Variants in GGT1 observed in about 807,000 individuals in gnomAD.
GGT1 encodes glutathione hydrolase 1 proenzyme.
GGT1 carries 21 observed loss-of-function variants against 56.0 expected under a neutral mutation model. The ratio of observed to expected loss-of-function variants is 0.38; its 90% CI spans 0.27 to 0.54. GGT1 has a LOEUF of 0.54. GGT1 is among the 20% of genes least tolerant of loss of function. The probability of loss-of-function intolerance (pLI) is 0.82; values close to 1 mark genes in which losing one functional copy is unlikely to be tolerated. For synonymous variants in GGT1, 238 were observed against 342.6 expected (o/e 0.69, Z 3.37); for missense variants, 466 against 787.0 (o/e 0.59, Z 4.88).
Position 24,628,606 on chromosome 22 carries a change from A to G in GGT1, c.1564-87A>G. The G allele has an allele frequency of 6.2e-7, 1 of 1,608,924 alleles. No homozygotes were observed. Among genetic ancestry groups the G allele is most frequent in the Non-Finnish European group, 8.5e-7 (1 of 1,178,350 alleles). On this transcript the variant is annotated intron_variant, in intron 15 of 15. Transcript: ENST00000400382. The surrounding 1 kb of genome is among the most constrained non-coding windows in gnomAD (Gnocchi z 5.7). ...TGATGACCTGGCCCGAAATGGCACC[A>G]CCTGGGCTGAGGCCTGTGACCACAC...
rs193004354 is a variant in GGT1 at position 24,625,228 on chromosome 22, C to T, written c.1020+1312C>T. Among the ~76,000 whole-genome samples, 10 of 152,298 alleles carry T rather than the reference C, an allele frequency of 6.6e-5. No homozygotes were observed. The East Asian group carries it at 1.9e-3, about 29-fold the overall frequency. On this transcript the variant is annotated intron_variant, in intron 11 of 15. Transcript: ENST00000400382. ...CAGCAGGATGTCGGGGTGACACAACCTGTTGTCCCTTCTCTTTACCTACAG... is the reference window on the plus strand; with the variant it reads ...CAGCAGGATGTCGGGGTGACACAACTTGTTGTCCCTTCTCTTTACCTACAG...
chr22:24,612,468 C>CA (rs2147347376), intron 5 of GGT1, among the ~76,000 whole-genome samples: 1 of 134,176 alleles, frequency 7.5e-6, no homozygotes, highest in East Asian at 2.3e-4. Flanking sequence ...CCCCTCCCCC[C>CA]AAGGAACACT....
rs1244590879 is a variant in GGT1 at position 24,623,842 on chromosome 22, A to G, written c.946A>G (p.Ile316Val). 5 of 1,611,916 alleles carry G rather than the reference A, an allele frequency of 3.1e-6. No homozygotes were observed. Among genetic ancestry groups the G allele is most frequent in the East Asian group, 2.2e-5 (1 of 44,854 alleles). ...GCAGAAGGGCCTGACGTACCACCGC[A>G]TCGTAGAGGCTTTCCGGTTTGCCTA... The part of the protein sequence containing the change: ...PEQKGLTYHR[I>V]VEAFRFAYAK... The change falls in exon 11 of 16, where the codon ATC becomes GTC. Residue 316 changes from isoleucine to valine, a missense_variant. This residue lies in a region of GGT1 where 456 missense variants were observed against 716.7 expected (regional missense o/e 0.64). Coordinates refer to ENST00000400382, the MANE Select transcript of GGT1 (RefSeq NM_001288833.2).
the GGT1 span, chr22:24,589,064 C>T: frequency 2.8e-5 from 29 of 1,034,954 alleles, no homozygotes; most frequent in Middle Eastern, 4.0e-4. Flanking sequence ...GTGGGCTAGG[C>T]GCAGAGTCCT....
intron 1 of GGT1, among the ~76,000 whole-genome samples, chr22:24,604,470 A>G (rs547256032): frequency 1.1e-4 from 17 of 152,214 alleles, no homozygotes; most frequent in African/African-American, 4.1e-4. Context: ...TGCTCAGCCT[A>G]AATGAGGCTC....
chr22:24,618,205 G>A lies in GGT1; in HGVS notation c.383-2123G>A, dbSNP rs369394100. Among the ~76,000 whole-genome samples, 879 of 152,288 alleles carry A rather than the reference G, an allele frequency of 5.8e-3. 8 individuals carry two copies. The highest frequency in any genetic ancestry group is 0.02 in the Middle Eastern group (6 of 294). On this transcript the variant is annotated intron_variant, in intron 7 of 15. Transcript: ENST00000400382. ...CCTTGAATATTTTTCATTTCTGGGT[G>A]TTAGCACCATAGTCCTCTCTTCGTT...
chr22:24,606,834 ATGGGC>A, intron 1 of GGT1, among the ~76,000 whole-genome samples: 1 of 151,712 alleles, frequency 6.6e-6, no homozygotes, highest in Admixed American at 6.6e-5. Context: ...GGTAGGTGTT[ATGGGC>A]ACGGAATAGA....
Position 24,610,363 on chromosome 22 carries a change from C to T in GGT1, c.-176C>T, listed in dbSNP as rs888589498. The T allele has an allele frequency of 1.9e-5, 4 of 210,748 alleles. No individual in the cohort carries two copies. Among genetic ancestry groups the T allele is most frequent in the East Asian group, 1.4e-4 (1 of 6,968 alleles). The allele number at this position is 210,748 out of a possible 1,614,324, so 13.1% of individuals were successfully genotyped here. On this transcript the variant is annotated 5_prime_UTR_variant, in exon 4 of 16. In the 5' UTR this introduces an upstream ATG that the reference lacks. Transcript: ENST00000400382. ...TAACCTCCCTTGACCTTCAGGAGAA[C>T]GAGAAGGCTGCCTGATCAGAGAGTC...
At position 24,614,912 on chromosome 22, in the gene GGT1, T is replaced by C. The variant is rs2046959698; in HGVS notation, c.295+6T>C. On this transcript the variant is annotated splice_donor_region_variant and intron_variant, in intron 6 of 15. Coordinates refer to ENST00000400382, the MANE Select transcript of GGT1 (RefSeq NM_001288833.2). ...CATCTACAACAGCACCACACGTGAG[T>C]GCCTCGGGAGAGGAGAGGGAGAGGG... is the stretch of plus-strand genomic sequence containing the variant. 2.5e-6 allele frequency: 4 copies of C among 1,586,642 alleles called. No individual in the cohort carries two copies. Among genetic ancestry groups the C allele is most frequent in the Non-Finnish European group, 3.4e-6 (4 of 1,164,440 alleles).
At chr22:24,583,807 T>C in the GGT1 span, 1 of 471,046 alleles carries the variant, frequency 2.1e-6, no homozygotes, top group South Asian at 1.5e-5. Flanking sequence ...CACACCATCC[T>C]GGTAGGAATC....
At chr22:24,592,778 A>C, upstream of GGT1, 2 of 1,266,808 alleles carry the variant, frequency 1.6e-6, no homozygotes, top group Non-Finnish European at 2.0e-6. Flanking sequence ...CAGGCCCACA[A>C]CCCATAGCCC....
chr22:24,601,947 G>A (rs73404975), upstream of GGT1, among the ~76,000 whole-genome samples: 3,754 of 152,258 alleles, frequency 0.025, 143 homozygotes, highest in African/African-American at 0.084. Context: ...CCTGTAACTG[G>A]CCAAGGAGCT....
chr22:24,627,019 CTT>C (rs1166803811), intron 11 of GGT1, among the ~76,000 whole-genome samples: 1 of 151,800 alleles, frequency 6.6e-6, no homozygotes, highest in Non-Finnish European at 1.5e-5. Flanking sequence ...CCTCATGCCT[CTT>C]GATTCCCCTT....
At chr22:24,590,521 T>G (rs1032658837), upstream of GGT1, among the ~76,000 whole-genome samples, 2 of 152,164 alleles carry the variant, frequency 1.3e-5, no homozygotes, top group East Asian at 3.9e-4. Context: ...AGTGTTGTGC[T>G]GTGACACTGC....
At chr22:24,587,277 G>A in the GGT1 span, among the ~76,000 whole-genome samples, 27 of 152,320 alleles carry the variant, frequency 1.8e-4, no homozygotes, top group East Asian at 5.0e-3. Flanking sequence ...CTGGGGGCCG[G>A]CCATGAGGGA....
chr22:24,613,617 G>A (rs2147359719), intron 5 of GGT1, among the ~76,000 whole-genome samples: 1 of 152,110 alleles, frequency 6.6e-6, no homozygotes, highest in Admixed American at 6.5e-5. Flanking sequence ...GGGCATGGTG[G>A]TGTGCGCCTG....
Position 24,611,222 on chromosome 22 carries a change from C to T in GGT1, c.141C>T (p.Ala47=), listed in dbSNP as rs1490853151. 1.3e-6 allele frequency: 2 copies of T among 1,567,482 alleles called. No homozygotes were observed. The highest frequency in any genetic ancestry group is 2.7e-5 in the African/African-American group (2 of 74,024). The change falls in exon 5 of 16, where the codon GCC becomes GCT. Residue 47 remains alanine (A), a synonymous_variant. Transcript: ENST00000400382. ...VYTRAAVAAD[A]KQCSKIGRDA... ...CCAGGGCTGCCGTGGCCGCGGATGC[C>T]AAGCAGTGCTCGAAGATTGGGAGGT...
the GGT1 span, chr22:24,588,641 G>A: frequency 2.0e-5 from 22 of 1,125,130 alleles, no homozygotes; most frequent in South Asian, 2.7e-4. Flanking sequence ...GCTATCAGCC[G>A]GCTGCCTGCC....
chr22:24,626,884 T>C lies in GGT1; in HGVS notation c.1021-548T>C, dbSNP rs180736434. On this transcript the variant is annotated intron_variant, in intron 11 of 15. Transcript: ENST00000400382. ...TCCCCACCCCACTCCATTCACTCTCTGCCTATCACTCACCAGCCTATACCA... is the reference window on the plus strand; with the variant it reads ...TCCCCACCCCACTCCATTCACTCTCCGCCTATCACTCACCAGCCTATACCA... Among the ~76,000 whole-genome samples the C allele has an allele frequency of 2.1e-3, 310 of 149,904 alleles. 5 individuals carry two copies. In the East Asian group the frequency reaches 0.052, roughly 25 times the overall value.
Sources: gnomAD v4.1 joint callset for allele counts (sites outside exome capture counted in the v4.1 genomes callset) on GRCh38, gnomAD v4.1.1 for gene constraint, gnomAD v4.1.1 regional missense constraint, Gnocchi (gnomAD v3.1) non-coding constraint, MANE v1.5 for transcripts, NCBI Gene and HGNC (gene_info 2026-07-23, HGNC 2026-07-21) for gene names.